The following ACVR2A variants were observed in gnomAD, a reference collection of about 807,000 sequenced individuals.
The protein encoded by ACVR2A is activin A receptor type 2A.
ACVR2A carries 7 observed loss-of-function variants against 61.4 expected under a neutral mutation model. The observed-to-expected ratio is 0.11, with a 90% CI of 0.06 to 0.21. The LOEUF (loss-of-function observed/expected upper bound fraction) is 0.21, where lower values mean the gene tolerates loss of function less well. ACVR2A is among the 10% of genes least tolerant of loss of function. ACVR2A has a pLI of 1.00. For missense variants in ACVR2A, 322 were observed against 621.7 expected (o/e 0.52, Z 5.13); for synonymous variants, 193 against 208.3 (o/e 0.93, Z 0.63).
chr2:147,916,197 G>T (rs1687246343), intron 5 of ACVR2A, among the ~76,000 whole-genome samples: 1 of 151,782 alleles, frequency 6.6e-6, no homozygotes, highest in South Asian at 2.1e-4. Flanking sequence ...TTTATGAACT[G>T]TATTACATTT....
intron 1 of ACVR2A, among the ~76,000 whole-genome samples, chr2:147,862,676 G>A (rs1188923345): frequency 6.6e-6 from 1 of 151,786 alleles, no homozygotes; most frequent in African/African-American, 2.4e-5. Flanking sequence ...CCCATGAGAC[G>A]GATGTTGCAG....
chr2:147,923,069 T>C lies in ACVR2A; in HGVS notation c.1174T>C (p.Leu392=). The change falls in exon 9 of 11, where the codon TTA becomes CTA. Residue 392 remains leucine (L), a synonymous_variant. Transcript: ENST00000241416. ...GAGGATAGATATGTATGCCATGGGATTAGTCCTATGGGAACTGGCTTCTCG... is the reference window on the plus strand; with the variant it reads ...GAGGATAGATATGTATGCCATGGGACTAGTCCTATGGGAACTGGCTTCTCG... ...FLRIDMYAMG[L]VLWELASRCT... 1 of 1,613,348 alleles carries C rather than the reference T, an allele frequency of 6.2e-7. No individual in the cohort carries two copies. Among genetic ancestry groups the C allele is most frequent in the Non-Finnish European group, 8.5e-7 (1 of 1,179,462 alleles).
At chr2:147,896,586 G>C in intron 2 of ACVR2A, 78 bp downstream of exon 2, 1 of 1,374,012 alleles carries the variant, frequency 7.3e-7, no homozygotes, top group Non-Finnish European at 1.0e-6. Flanking sequence ...GGAAAGATCA[G>C]TGCATAAATT....
intron 1 of ACVR2A, among the ~76,000 whole-genome samples, chr2:147,886,558 G>T (rs1686436804): frequency 6.6e-6 from 1 of 152,202 alleles, no homozygotes. Context: ...ACAGGACTAT[G>T]AAAGATATTG....
intron 1 of ACVR2A, among the ~76,000 whole-genome samples, chr2:147,855,823 T>G (rs554821701): frequency 2.0e-5 from 3 of 152,306 alleles, no homozygotes; most frequent in South Asian, 2.1e-4. Context: ...TCTTTAGATT[T>G]TGTACATTTG....
chr2:147,894,500 T>G (rs1437633901), intron 1 of ACVR2A, among the ~76,000 whole-genome samples: 1 of 152,096 alleles, frequency 6.6e-6, no homozygotes, highest in Non-Finnish European at 1.5e-5. Flanking sequence ...CCATGAATAC[T>G]TTTGTAATAT....
intron 1 of ACVR2A, among the ~76,000 whole-genome samples, chr2:147,861,959 C>T (rs1685736921): frequency 6.6e-6 from 1 of 150,976 alleles, no homozygotes; most frequent in African/African-American, 2.5e-5. Context: ...CTATTTGAGC[C>T]TGTTTGAACT....
At chr2:147,846,866 G>C (rs1243502320) in intron 1 of ACVR2A, among the ~76,000 whole-genome samples, 1 of 152,096 alleles carries the variant, frequency 6.6e-6, no homozygotes, top group Non-Finnish European at 1.5e-5. Flanking sequence ...TTGAGGAGGA[G>C]GGGCATCATG....
At chr2:147,851,591 AACC>A (rs1310784161) in intron 1 of ACVR2A, among the ~76,000 whole-genome samples, 1 of 152,126 alleles carries the variant, frequency 6.6e-6, no homozygotes, top group Non-Finnish European at 1.5e-5. Flanking sequence ...CTACCTGGCT[AACC>A]CCTTTTTGGT....
chr2:147,849,151 A>G lies in ACVR2A; in HGVS notation c.55+3944A>G, dbSNP rs534243267. ...ATAAACTCTCCTATCACCGATTTTG[A>G]TAGAGTGCTCATGAAGACTGCATGT... On this transcript the variant is annotated intron_variant, in intron 1 of 10. Coordinates refer to ENST00000241416, the MANE Select transcript of ACVR2A (RefSeq NM_001616.5). Among the ~76,000 whole-genome samples, 35 of 152,264 alleles carry G rather than the reference A, an allele frequency of 2.3e-4. 1 individual carries two copies. The South Asian group carries it at 4.1e-3, about 18-fold the overall frequency.
At chr2:147,919,849 A>C (rs553965170) in intron 7 of ACVR2A, among the ~76,000 whole-genome samples, 24 of 152,260 alleles carry the variant, frequency 1.6e-4, no homozygotes, top group African/African-American at 5.8e-4. Flanking sequence ...CTATTTTTTA[A>C]AAGTTTCTTC....
intron 1 of ACVR2A, among the ~76,000 whole-genome samples, chr2:147,894,275 A>G (rs1686668682): frequency 6.6e-6 from 1 of 152,066 alleles, no homozygotes; most frequent in South Asian, 2.1e-4. Flanking sequence ...CTGAAGTTTT[A>G]TAGTAAGTCT....
intron 2 of ACVR2A, among the ~76,000 whole-genome samples, chr2:147,897,899 G>C (rs1030021111): frequency 6.6e-6 from 1 of 152,130 alleles, no homozygotes; most frequent in African/African-American, 2.4e-5. Context: ...GTGCTGTTAC[G>C]AAAGGTACAC....
chr2:147,850,207 T>C (rs889646070), intron 1 of ACVR2A, among the ~76,000 whole-genome samples: 1 of 152,104 alleles, frequency 6.6e-6, no homozygotes, highest in Admixed American at 6.5e-5. Flanking sequence ...GACCCTTCTG[T>C]ACTTCCTTAT....
intron 1 of ACVR2A, among the ~76,000 whole-genome samples, chr2:147,863,901 A>C (rs1027639610): frequency 1.3e-5 from 2 of 152,232 alleles, no homozygotes; most frequent in Non-Finnish European, 2.9e-5. Context: ...TAGAGAATCA[A>C]ATGTTCAAAG....
Position 147,927,344 on chromosome 2 carries a change from TAC to T in ACVR2A, c.*72_*73del. ...GAGCTGCTAAGCTAAAGAAACTGCTTACAGTTTATTTTCTGTGTAAAATGAGT... is the reference window on the plus strand; with the variant it reads ...GAGCTGCTAAGCTAAAGAAACTGCTTAGTTTATTTTCTGTGTAAAATGAGT... On this transcript the variant is annotated 3_prime_UTR_variant, in exon 11 of 11. Coordinates refer to ENST00000241416, the MANE Select transcript of ACVR2A (RefSeq NM_001616.5). 1 of 1,369,226 alleles carries T rather than the reference TAC, an allele frequency of 7.3e-7. No individual in the cohort carries two copies. The highest frequency in any genetic ancestry group is 2.4e-5 in the East Asian group (1 of 41,578). The allele number at this position is 1,369,226 out of a possible 1,614,324, so 84.8% of individuals were successfully genotyped here.
intron 1 of ACVR2A, among the ~76,000 whole-genome samples, chr2:147,862,678 A>C (rs1241141313): frequency 6.6e-6 from 1 of 151,726 alleles, no homozygotes; most frequent in African/African-American, 2.4e-5. Context: ...CATGAGACGG[A>C]TGTTGCAGTG....
chr2:147,920,123 GTAAC>G (rs1275634909), intron 7 of ACVR2A, 103 bp from the exon 8 acceptor site: 3 of 701,698 alleles, frequency 4.3e-6, no homozygotes, highest in South Asian at 2.0e-5. Context: ...ATAATTTTAA[GTAAC>G]TATTTTTTCA....
intron 1 of ACVR2A, among the ~76,000 whole-genome samples, chr2:147,894,736 A>G (rs1573687415): frequency 6.6e-6 from 1 of 152,086 alleles, no homozygotes; most frequent in Non-Finnish European, 1.5e-5. Context: ...AAATTTTATC[A>G]TTGGAAACGC....
Sources: gnomAD v4.1 joint callset for allele counts (sites outside exome capture counted in the v4.1 genomes callset) on GRCh38, gnomAD v4.1.1 for gene constraint, MANE v1.5 for transcripts, NCBI Gene and HGNC (gene_info 2026-07-23, HGNC 2026-07-21) for gene names.